The following GRID1 variants were observed in gnomAD, a reference collection of about 807,000 sequenced individuals.
GRID1 encodes the protein glutamate ionotropic receptor delta type subunit 1, also known as glutamate receptor ionotropic, delta-1.
In GRID1, 28 loss-of-function variants were observed where a neutral mutation model predicts 98.0. The observed-to-expected ratio is 0.29, with a 90% confidence interval of 0.21 to 0.39. GRID1 has a LOEUF of 0.39. Ranked by LOEUF, GRID1 falls within the 10% of genes least tolerant of loss-of-function variation. The pLI, the probability that GRID1 is intolerant of heterozygous loss-of-function variation, is 1.00. For synonymous variants in GRID1, 553 were observed against 538.5 expected, an observed-to-expected ratio of 1.03 and a Z score of -0.37; for missense variants, 1,111 against 1,340.5, an observed-to-expected ratio of 0.83 and a Z score of 2.67.
chr10:86,130,824 C>T (rs1454633268), intron 4 of GRID1, among the ~76,000 whole-genome samples: 2 of 152,210 alleles, frequency 1.3e-5, no homozygotes, highest in Non-Finnish European at 2.9e-5. Context: ...GCTAAAAGAG[C>T]ACTGTAACAT....
chr10:86,345,832 G>A (rs1262029949), intron 2 of GRID1, among the ~76,000 whole-genome samples: 1 of 152,070 alleles, frequency 6.6e-6, no homozygotes, highest in Non-Finnish European at 1.5e-5. Context: ...GACTTTGCCA[G>A]GATGTCAGCA....
intron 12 of GRID1, among the ~76,000 whole-genome samples, chr10:85,693,429 C>T (rs73326702): frequency 0.045 from 6,856 of 151,990 alleles, 467 homozygotes; most frequent in African/African-American, 0.15. Flanking sequence ...GAACATACAG[C>T]ACAAAAAGTG....
At chr10:86,320,788 T>C (rs1283044637) in intron 2 of GRID1, among the ~76,000 whole-genome samples, 1 of 152,120 alleles carries the variant, frequency 6.6e-6, no homozygotes, top group African/African-American at 2.4e-5. Context: ...TGGCTTGTTA[T>C]TATTATTATT....
chr10:85,972,312 T>A (rs1212034456), intron 4 of GRID1, among the ~76,000 whole-genome samples: 2 of 151,660 alleles, frequency 1.3e-5, no homozygotes, highest in Non-Finnish European at 2.9e-5. Flanking sequence ...TATTTTTACT[T>A]GTTTACTGAA....
intron 8 of GRID1, among the ~76,000 whole-genome samples, chr10:85,742,755 C>A (rs1841956738): frequency 6.6e-6 from 1 of 152,164 alleles, no homozygotes; most frequent in Non-Finnish European, 1.5e-5. Flanking sequence ...CACCTCCTAT[C>A]AGGAAGAGAA....
At chr10:86,183,042 A>G (rs2132002668) in intron 3 of GRID1, among the ~76,000 whole-genome samples, 1 of 152,278 alleles carries the variant, frequency 6.6e-6, no homozygotes, top group Admixed American at 6.5e-5. Context: ...TGCATTTTTG[A>G]CACATGCATC....
At chr10:85,883,421 T>G (rs1255913605) in intron 5 of GRID1, among the ~76,000 whole-genome samples, 1 of 152,156 alleles carries the variant, frequency 6.6e-6, no homozygotes, top group Non-Finnish European at 1.5e-5. Flanking sequence ...TAAACTGCAC[T>G]TTATTGTTTC....
At chr10:86,076,255 T>G (rs1377962892) in intron 4 of GRID1, among the ~76,000 whole-genome samples, 1 of 152,236 alleles carries the variant, frequency 6.6e-6, no homozygotes, top group South Asian at 2.1e-4. Flanking sequence ...AAGAAAATTA[T>G]GATTGAGGAT....
At chr10:85,640,982 C>T (rs1392571576) in intron 13 of GRID1, among the ~76,000 whole-genome samples, 1 of 152,238 alleles carries the variant, frequency 6.6e-6, no homozygotes, top group Non-Finnish European at 1.5e-5. Flanking sequence ...ATACTATCTC[C>T]AGCCACAGGG....
intron 13 of GRID1, among the ~76,000 whole-genome samples, chr10:85,642,395 ATCT>A (rs1843132898): frequency 6.6e-6 from 1 of 152,164 alleles, no homozygotes; most frequent in African/African-American, 2.4e-5. Flanking sequence ...GACCAGGAAA[ATCT>A]TCTCCCTTAC....
intron 2 of GRID1, among the ~76,000 whole-genome samples, chr10:86,333,635 C>A (rs7086366): frequency 1.3e-5 from 2 of 152,144 alleles, no homozygotes; most frequent in African/African-American, 4.8e-5. Context: ...CACTGTTGAC[C>A]GGAAGCCTTA....
At chr10:85,747,677 G>C (rs2949392) in intron 8 of GRID1, among the ~76,000 whole-genome samples, 58,637 of 152,030 alleles carry the variant, frequency 0.39, 12,684 homozygotes, top group East Asian at 0.6. Flanking sequence ...GCCTACACCA[G>C]AAAGTGATTA....
intron 3 of GRID1, among the ~76,000 whole-genome samples, chr10:86,158,121 C>T (rs893179498): frequency 6.6e-6 from 1 of 152,180 alleles, no homozygotes; most frequent in African/African-American, 2.4e-5. Flanking sequence ...TCCAGGGCTC[C>T]GGGTCCATGG....
At chr10:85,878,041 G>A (rs1840926815) in intron 5 of GRID1, among the ~76,000 whole-genome samples, 1 of 152,180 alleles carries the variant, frequency 6.6e-6, no homozygotes, top group Non-Finnish European at 1.5e-5. Flanking sequence ...CGAAATGAAT[G>A]AAATGAAGCG....
At chr10:85,811,257 A>G (rs1206508570) in intron 8 of GRID1, among the ~76,000 whole-genome samples, 2 of 152,188 alleles carry the variant, frequency 1.3e-5, no homozygotes, top group Admixed American at 6.5e-5. Flanking sequence ...TATGAAACCT[A>G]TTCTATAAAA....
rs1011657721 is a variant in GRID1 at position 86,180,772 on chromosome 10, C to T, written c.520+25592G>A. 3.3e-5 allele frequency among the ~76,000 whole-genome samples: 5 copies of T among 152,132 alleles called. No homozygotes were observed. The East Asian group carries it at 7.7e-4, about 24-fold the overall frequency. On this transcript the variant is annotated intron_variant, in intron 3 of 15. Coordinates refer to ENST00000327946, the MANE Select transcript of GRID1 (RefSeq NM_017551.3). ...CTGCTCCACCACCTGCGGCCAGGCC[C>T]GGGAACTGGGCTGTGAACATCCTCA...
chr10:85,880,184 A>G (rs915269922), intron 5 of GRID1, among the ~76,000 whole-genome samples: 4 of 152,228 alleles, frequency 2.6e-5, no homozygotes, highest in Non-Finnish European at 5.9e-5. Context: ...GCCGAATTCC[A>G]CCACAGGTAC....
At chr10:85,995,810 G>A (rs896770779) in intron 4 of GRID1, among the ~76,000 whole-genome samples, 4 of 152,244 alleles carry the variant, frequency 2.6e-5, no homozygotes, top group Non-Finnish European at 4.4e-5. Flanking sequence ...AATAGGAAAA[G>A]AGTGAGGATG....
chr10:86,192,067 A>G lies in GRID1; in HGVS notation c.520+14297T>C, dbSNP rs145086872. ...GGGGTCTAAGCAGGGCAGTGAGTTAAGGAAGGTGACTTTGGTGGCAGAATG... is the reference window on the plus strand; with the variant it reads ...GGGGTCTAAGCAGGGCAGTGAGTTAGGGAAGGTGACTTTGGTGGCAGAATG... On this transcript the variant is annotated intron_variant, in intron 3 of 15. Transcript: ENST00000327946. This position sits in a 1 kb window ranked among gnomAD's most constrained non-coding sequence, Gnocchi z 4.8. Among the ~76,000 whole-genome samples the G allele has an allele frequency of 1.2e-4, 19 of 152,298 alleles. No individual in the cohort carries two copies. The highest frequency in any genetic ancestry group is 2.5e-4 in the Non-Finnish European group (17 of 68,026).
Sources: allele counts gnomAD v4.1 joint callset (sites outside exome capture counted in the v4.1 genomes callset), GRCh38; gene constraint gnomAD v4.1.1; non-coding constraint Gnocchi (gnomAD v3.1); transcripts MANE v1.5; gene names NCBI Gene and HGNC (gene_info 2026-07-23, HGNC 2026-07-21).